The following DST variants were observed in gnomAD, a reference collection of about 807,000 sequenced individuals.
DST encodes the protein dystonin, also known as bullous pemphigoid antigen.
A neutral mutation model predicts 875.2 loss-of-function variants in DST; 253 were observed. The ratio of observed to expected loss-of-function variants is 0.29; its 90% CI spans 0.26 to 0.32. The LOEUF is 0.32. Ranked by LOEUF, DST falls within the 10% of genes least tolerant of loss-of-function variation. DST has a pLI of 1.00. For missense variants in DST, 8,287 were observed against 9,111.6 expected (o/e 0.91, Z 3.68); for synonymous variants, 3,124 against 3,197.1 (o/e 0.98, Z 0.77).
At chr6:56,914,884 C>G (rs1302964979) in intron 2 of DST, among the ~76,000 whole-genome samples, 21 of 152,300 alleles carry the variant, frequency 1.4e-4, no homozygotes, top group Admixed American at 1.3e-3. Flanking sequence ...GACAAGAGTT[C>G]TAGAGAGAAA....
At chr6:56,723,644 G>C (rs1425880381) in intron 5 of DST, among the ~76,000 whole-genome samples, 6 of 152,144 alleles carry the variant, frequency 3.9e-5, no homozygotes, top group Admixed American at 3.9e-4. Context: ...ATCCAGATCT[G>C]TAACTCAAAT....
At chr6:56,771,503 C>T (rs1459922913) in intron 4 of DST, among the ~76,000 whole-genome samples, 1 of 152,132 alleles carries the variant, frequency 6.6e-6, no homozygotes. Context: ...TTTTTTCTAA[C>T]ATTTCTAAAT....
intron 9 of DST, among the ~76,000 whole-genome samples, chr6:56,687,664 A>C (rs2099197089): frequency 6.6e-6 from 1 of 152,160 alleles, no homozygotes; most frequent in Non-Finnish European, 1.5e-5. Flanking sequence ...TGAATTTGTC[A>C]ACACAGGCAA....
Position 56,895,883 on chromosome 6 carries a change from G to A in DST, c.417+4538C>T, listed in dbSNP as rs1267024022. ...AAAACGAAAACCAGTCAGGCGTGGC[G>A]GCGCGCGCCTGCAATCGCAGGCACT... On this transcript the variant is annotated intron_variant, in intron 3 of 103. Coordinates refer to ENST00000680361, the MANE Select transcript of DST (RefSeq NM_001374736.1). 6.7e-5 allele frequency among the ~76,000 whole-genome samples: 2 copies of A among 29,658 alleles called. 1 individual carries two copies. The highest frequency in any genetic ancestry group is 1.3e-3 in the East Asian group (2 of 1,548). 19.5% of individuals were successfully genotyped at this position (29,658 alleles called of 152,430 possible). A position where few individuals can be genotyped will look rare whatever the true frequency, so the allele number is the denominator to read the frequency against.
intron 3 of DST, 49 bp from the exon 4 acceptor site, chr6:56,851,653 T>C (rs776508625): frequency 2.0e-5 from 32 of 1,586,446 alleles, no homozygotes; most frequent in Non-Finnish European, 2.7e-5. Context: ...TACTCACATA[T>C]GCTCAATGAT....
chr6:56,753,828 A>C (rs541674424), intron 4 of DST, among the ~76,000 whole-genome samples: 1 of 152,258 alleles, frequency 6.6e-6, no homozygotes, highest in Non-Finnish European at 1.5e-5. Flanking sequence ...GAGGTTTGGA[A>C]GTGGCAACAG....
At chr6:56,648,061 A>G (rs1423181872) in intron 13 of DST, among the ~76,000 whole-genome samples, 1 of 152,162 alleles carries the variant, frequency 6.6e-6, no homozygotes, top group Non-Finnish European at 1.5e-5. Context: ...CAAATGTTTT[A>G]CTAAACCATG....
intron 5 of DST, among the ~76,000 whole-genome samples, chr6:56,715,523 C>T (rs1331870781): frequency 2.6e-5 from 4 of 152,106 alleles, no homozygotes; most frequent in Non-Finnish European, 5.9e-5. Flanking sequence ...CCTCACCAAG[C>T]GCAAAGAGGG....
chr6:56,551,239 T>C (rs1465089749), intron 61 of DST, among the ~76,000 whole-genome samples: 4 of 152,362 alleles, frequency 2.6e-5, no homozygotes, highest in African/African-American at 9.6e-5. Flanking sequence ...ATTTGATTCA[T>C]ATTCATCTCT....
chr6:56,900,148 C>T (rs1793396827), intron 3 of DST, among the ~76,000 whole-genome samples: 1 of 152,232 alleles, frequency 6.6e-6, no homozygotes, highest in Non-Finnish European at 1.5e-5. Flanking sequence ...CATTCTAGAA[C>T]TCCAGCTTCA....
intron 4 of DST, among the ~76,000 whole-genome samples, chr6:56,805,549 G>A (rs995910776): frequency 2.0e-5 from 3 of 152,056 alleles, no homozygotes; most frequent in African/African-American, 7.2e-5. Flanking sequence ...CAAAACAACT[G>A]GTTAAACTAT....
intron 2 of DST, among the ~76,000 whole-genome samples, chr6:56,907,606 CT>C (rs1796978861): frequency 6.6e-6 from 1 of 152,260 alleles, no homozygotes; most frequent in East Asian, 1.9e-4. Flanking sequence ...ACATTCTGCT[CT>C]TATGTAAAGA....
At chr6:56,846,480 G>A (rs1363721243) in intron 4 of DST, among the ~76,000 whole-genome samples, 3 of 152,130 alleles carry the variant, frequency 2.0e-5, no homozygotes, top group African/African-American at 7.2e-5. Flanking sequence ...TAACTTTACA[G>A]GTAGTTTATG....
At position 56,836,715 on chromosome 6, in the gene DST, A is replaced by G. The variant is rs958222304; in HGVS notation, c.625+14682T>C. ...AATACAAAAAAATTAGCCGGGCGTG[A>G]TGGCGGGCGCCTGTAGTCCCAGCTA... On this transcript the variant is annotated intron_variant, in intron 4 of 103. Coordinates refer to ENST00000680361, the MANE Select transcript of DST (RefSeq NM_001374736.1). Among the ~76,000 whole-genome samples the G allele has an allele frequency of 2.6e-5, 4 of 151,262 alleles. No individual in the cohort carries two copies. In the South Asian group the frequency reaches 6.3e-4, roughly 24 times the overall value.
At chr6:56,550,615 G>GTATTATTAC (rs1439702738) in intron 61 of DST, among the ~76,000 whole-genome samples, 6 of 152,156 alleles carry the variant, frequency 3.9e-5, no homozygotes, top group Non-Finnish European at 7.3e-5. Flanking sequence ...AGCAGCACCA[G>GTATTATTAC]TATTATTACT....
At chr6:56,628,845 C>T (rs2152754876) in intron 32 of DST, among the ~76,000 whole-genome samples, 1 of 152,174 alleles carries the variant, frequency 6.6e-6, no homozygotes, top group Admixed American at 6.5e-5. Context: ...TTAAAATGAA[C>T]ATCAGGGCAT....
chr6:56,944,368 C>T (rs1211573779), intron 2 of DST, among the ~76,000 whole-genome samples: 1 of 151,366 alleles, frequency 6.6e-6, no homozygotes, highest in Non-Finnish European at 1.5e-5. Context: ...AAAAAAAACA[C>T]TAAATTGTTA....
chr6:56,573,767 C>A lies in DST; in HGVS notation c.13148G>T (p.Trp4383Leu). Reference protein sequence around the residue: ...VQDGLDEMLDWMGNVESSLKE... With the variant: ...VQDGLDEMLDLMGNVESSLKE... The stretch of plus-strand genomic sequence containing the variant: ...CAGAGAACTTTCCACATTTCCCATC[C>A]AGTCCAGCATTTCATCCAAGCCATC... Residue 4383 changes from tryptophan (W) to leucine (L), a missense_variant, in exon 51 of 104, where the codon TGG becomes TTG. Around this residue, in one of 10 missense-constraint regions of DST, gnomAD observed 1,513 missense variants for 1,677.8 expected, o/e 0.90. Transcript: ENST00000680361. The A allele has an allele frequency of 1.2e-6, 2 of 1,613,656 alleles. No individual in the cohort carries two copies. The highest frequency in any genetic ancestry group is 1.7e-6 in the Non-Finnish European group (2 of 1,179,718).
chr6:56,704,501 A>T (rs1563774234), intron 5 of DST, 132 bp from the exon 6 acceptor site: 5 of 528,988 alleles, frequency 9.5e-6, no homozygotes, highest in East Asian at 3.5e-5. Context: ...TTAAATTTTT[A>T]AAATGCTTAT....
Sources: allele counts gnomAD v4.1 joint callset (sites outside exome capture counted in the v4.1 genomes callset), GRCh38; gene constraint gnomAD v4.1.1; regional missense constraint gnomAD v4.1.1; transcripts MANE v1.5; gene names NCBI Gene and HGNC (gene_info 2026-07-23, HGNC 2026-07-21).